GRAMD2B: variants seen among roughly 807,000 people sequenced by gnomAD.
GRAMD2B encodes the protein GRAM domain-containing protein 2B.
A neutral mutation model predicts 59.2 loss-of-function variants in GRAMD2B; 41 were observed. The ratio of observed to expected loss-of-function variants is 0.69; its 90% CI spans 0.54 to 0.90. GRAMD2B has a LOEUF of 0.90. Among genes scored for constraint, GRAMD2B ranks in the 40% least tolerant of loss-of-function variants. The pLI is 0.00. For missense variants in GRAMD2B, 424 were observed against 500.5 expected (o/e 0.85, Z 1.46); for synonymous variants, 161 against 182.7 (o/e 0.88, Z 0.96).
chr5:126,469,292 G>T (rs765248334), intron 2 of GRAMD2B, among the ~76,000 whole-genome samples: 1 of 152,042 alleles, frequency 6.6e-6, no homozygotes, highest in Non-Finnish European at 1.5e-5. Context: ...ACAAATGTCA[G>T]GTTTTCTTAG....
In GRAMD2B at chr5:126,423,518, G is replaced by A; in HGVS notation, c.-89G>A. ...GGGGAGGGCACGGCGCCGCTTGCTT[G>A]GCCTGCGCACCCGGACCTAGAAGCC... On this transcript the variant is annotated 5_prime_UTR_variant, in exon 1 of 14. An upstream open reading frame in the 5' UTR gains an earlier in-frame stop. Coordinates refer to ENST00000285689, the MANE Select transcript of GRAMD2B (RefSeq NM_023927.4). The A allele has an allele frequency of 6.5e-7, 1 of 1,549,372 alleles. No homozygotes were observed.
intron 4 of GRAMD2B, among the ~76,000 whole-genome samples, chr5:126,472,773 A>C (rs1769863493): frequency 6.6e-6 from 1 of 152,208 alleles, no homozygotes; most frequent in Non-Finnish European, 1.5e-5. Context: ...GCAGTGGTTC[A>C]TCAAGGGGCC....
At chr5:126,482,010 G>T (rs958649518) in intron 8 of GRAMD2B, among the ~76,000 whole-genome samples, 6 of 150,416 alleles carry the variant, frequency 4.0e-5, no homozygotes, top group African/African-American at 1.2e-4. Flanking sequence ...ACTGATACCT[G>T]CTACAATATA....
intron 1 of GRAMD2B, among the ~76,000 whole-genome samples, chr5:126,391,273 T>C (rs949756436): frequency 7.4e-6 from 1 of 134,380 alleles, no homozygotes; most frequent in East Asian, 2.2e-4. Flanking sequence ...CCCAGGAGGA[T>C]TGTGCCACTG....
intron 3 of GRAMD2B, among the ~76,000 whole-genome samples, chr5:126,471,036 G>T (rs1485976614): frequency 6.6e-6 from 1 of 152,146 alleles, no homozygotes; most frequent in Admixed American, 6.5e-5. Flanking sequence ...TTTAATCAAG[G>T]TATCTTTCTA....
At chr5:126,408,112 C>A (rs962629660) in intron 1 of GRAMD2B, among the ~76,000 whole-genome samples, 1 of 151,964 alleles carries the variant, frequency 6.6e-6, no homozygotes, top group Non-Finnish European at 1.5e-5. Context: ...TCCTTCCCTG[C>A]TCTATTAGTC....
intron 4 of GRAMD2B, among the ~76,000 whole-genome samples, chr5:126,473,030 A>G (rs943009610): frequency 6.6e-5 from 10 of 152,212 alleles, no homozygotes; most frequent in Admixed American, 1.3e-4. Context: ...CTCAGGTACA[A>G]TGGTAGATTT....
At chr5:126,470,155 A>C (rs1769274504) in intron 3 of GRAMD2B, among the ~76,000 whole-genome samples, 1 of 152,180 alleles carries the variant, frequency 6.6e-6, no homozygotes, top group African/African-American at 2.4e-5. Flanking sequence ...ACCTGCCTGA[A>C]TAGTAGTAGG....
Position 126,493,084 on chromosome 5 carries a change from T to C in GRAMD2B, c.*128T>C, listed in dbSNP as rs1166669761. ...AGCAGATGAGAATCCAGACATTGCA[T>C]GTGGAGGTCTCCAGCTCAGGAAAGT... On this transcript the variant is annotated 3_prime_UTR_variant, in exon 14 of 14. Coordinates refer to ENST00000285689, the MANE Select transcript of GRAMD2B (RefSeq NM_023927.4). 8.9e-6 allele frequency: 6 copies of C among 676,212 alleles called. No homozygotes were observed. The highest frequency in any genetic ancestry group is 3.6e-5 in the African/African-American group (2 of 55,592). The allele number at this position is 676,212 out of a possible 1,614,324, so 41.9% of individuals were successfully genotyped here. A position where few individuals can be genotyped will look rare whatever the true frequency, so the allele number is the denominator to read the frequency against.
chr5:126,453,691 A>G (rs753531359), intron 1 of GRAMD2B, among the ~76,000 whole-genome samples: 1 of 152,236 alleles, frequency 6.6e-6, no homozygotes, highest in African/African-American at 2.4e-5. Context: ...TCAAGTTTCC[A>G]TATGGTTTCA....
intron 4 of GRAMD2B, 28 bp from the exon 5 acceptor site, chr5:126,473,237 G>C (rs1352745210): frequency 2.5e-6 from 2 of 807,308 alleles, no homozygotes; most frequent in Non-Finnish European, 3.8e-6. Context: ...AATTCTAAAT[G>C]ATGCTGTGCC....
At chr5:126,393,367 G>T (rs1397255379) in intron 1 of GRAMD2B, among the ~76,000 whole-genome samples, 1 of 152,098 alleles carries the variant, frequency 6.6e-6, no homozygotes, top group Non-Finnish European at 1.5e-5. Flanking sequence ...ACATGTACCT[G>T]CATCTTCCAA....
intron 1 of GRAMD2B, among the ~76,000 whole-genome samples, chr5:126,437,604 G>A (rs1348813205): frequency 2.0e-5 from 3 of 152,086 alleles, no homozygotes; most frequent in Non-Finnish European, 4.4e-5. Flanking sequence ...GATCAAAAAA[G>A]GAAGAGGCCA....
At position 126,401,459 on chromosome 5, in the gene GRAMD2B, G is replaced by A. The variant is rs1757828700; in HGVS notation, c.125+29892G>A. ...ATAGGTCTCCATTTCTTTGGGTTCA[G>A]TTACTGGAATATTACTGTGTTCCTT... is the stretch of plus-strand genomic sequence containing the variant. On this transcript the variant is annotated intron_variant, in intron 1 of 8. Coordinates refer to the GRAMD2B transcript ENST00000506445. Among the ~76,000 whole-genome samples the A allele has an allele frequency of 2.6e-5, 4 of 151,966 alleles. No individual in the cohort carries two copies. In the South Asian group the frequency reaches 8.3e-4, roughly 32 times the overall value.
intron 6 of GRAMD2B, 72 bp downstream of exon 6, chr5:126,477,859 C>G: frequency 2.3e-6 from 2 of 882,108 alleles, no homozygotes; most frequent in Non-Finnish European, 3.9e-6. Flanking sequence ...TAAGGGGTCT[C>G]TTGCCAAGGA....
At chr5:126,444,430 G>A (rs542138666) in intron 1 of GRAMD2B, among the ~76,000 whole-genome samples, 19 of 152,292 alleles carry the variant, frequency 1.2e-4, no homozygotes, top group South Asian at 4.1e-4. Flanking sequence ...ACTGAATTCC[G>A]CAGATTTTTT....
chr5:126,406,794 G>T (rs1287800184), intron 1 of GRAMD2B, among the ~76,000 whole-genome samples: 1 of 151,970 alleles, frequency 6.6e-6, no homozygotes, highest in African/African-American at 2.4e-5. Context: ...GATTCCTGAT[G>T]ATTTCTTTCT....
intron 1 of GRAMD2B, among the ~76,000 whole-genome samples, chr5:126,384,549 T>C (rs1226676581): frequency 6.6e-6 from 1 of 152,208 alleles, no homozygotes; most frequent in African/African-American, 2.4e-5. Flanking sequence ...TCAAACATGC[T>C]CCTGTTTGGA....
At chr5:126,407,001 G>T (rs1357891086) in intron 1 of GRAMD2B, among the ~76,000 whole-genome samples, 1 of 152,008 alleles carries the variant, frequency 6.6e-6, no homozygotes, top group Non-Finnish European at 1.5e-5. Context: ...ATAAAGAAAT[G>T]CTTCTGATTT....
Sources: gnomAD v4.1 joint callset for allele counts (sites outside exome capture counted in the v4.1 genomes callset) on GRCh38, gnomAD v4.1.1 for gene constraint, MANE v1.5 for transcripts, NCBI Gene and HGNC (gene_info 2026-07-23, HGNC 2026-07-21) for gene names.